SETD1A: variants seen among roughly 807,000 people sequenced by gnomAD.
SETD1A encodes histone-lysine N-methyltransferase SETD1A.
A neutral mutation model predicts 149.9 loss-of-function variants in SETD1A; 29 were observed. The observed-to-expected ratio is 0.19, with a 90% CI of 0.14 to 0.26. The LOEUF is 0.26. Among genes scored for constraint, SETD1A ranks in the 10% least tolerant of loss-of-function variants. SETD1A has a pLI of 1.00. For missense variants in SETD1A, 2,109 were observed against 2,353.1 expected, an observed-to-expected ratio of 0.90 and a Z score of 2.15; for synonymous variants, 1,141 against 968.5, an observed-to-expected ratio of 1.18 and a Z score of -3.31.
rs199846877 is a variant in SETD1A at position 30,965,373 on chromosome 16, C to G, written c.1631C>G (p.Ala544Gly). 1.9e-6 allele frequency: 3 copies of G among 1,611,246 alleles called. No individual in the cohort carries two copies. The Admixed American group carries it at 5.0e-5, about 27-fold the overall frequency. Residue 544 changes from alanine (A) to glycine (G), a missense_variant, in exon 7 of 19, where the codon GCC (alanine) becomes GGC (glycine). Transcript: ENST00000262519. The part of the protein sequence containing the change: ...SGHGPCTPPP[A>G]PANFEDVAPT... ...CATGGGCCCTGCACACCCCCTCCGG[C>G]CCCAGCTAATTTTGAGGATGTGGCA...
intron 13 of SETD1A, 85 bp from the exon 14 acceptor site, chr16:30,979,060 C>G (rs1011695256): frequency 7.4e-7 from 1 of 1,356,956 alleles, no homozygotes; most frequent in African/African-American, 1.5e-5. Context: ...TGGGGGAGAG[C>G]ACACAGCCTG....
chr16:30,976,409 C>G (rs1315024915), intron 13 of SETD1A, among the ~76,000 whole-genome samples: 2 of 152,128 alleles, frequency 1.3e-5, no homozygotes, highest in East Asian at 1.9e-4. Flanking sequence ...GCTGGAAGGC[C>G]TTGCCAGAGC....
At position 30,971,663 on chromosome 16, in the gene SETD1A, C is replaced by G; in HGVS notation, c.3302C>G (p.Ala1101Gly). Reference protein sequence around the residue: ...PVEVPVPERVAGSPVTPLPEQ... With the variant: ...PVEVPVPERVGGSPVTPLPEQ... The stretch of plus-strand genomic sequence containing the variant: ...GAGGTGCCAGTGCCGGAAAGGGTTG[C>G]AGGCTCCCCAGTCACACCCCTGCCC... Residue 1101 changes from alanine (A) to glycine (G), a missense_variant, in exon 13 of 19, where the codon GCA becomes GGA. By Grantham distance (60) the Ala-to-Gly change is moderately conservative. Coordinates refer to ENST00000262519, the MANE Select transcript of SETD1A (RefSeq NM_014712.3). 6.2e-7 allele frequency: 1 copy of G among 1,607,086 alleles called. No homozygotes were observed. The highest frequency in any genetic ancestry group is 8.5e-7 in the Non-Finnish European group (1 of 1,175,084).
In SETD1A at chr16:30,983,690, A is replaced by G; in HGVS notation, c.4868A>G (p.Tyr1623Cys). 1 of 1,614,044 alleles carries G rather than the reference A, an allele frequency of 6.2e-7. No individual in the cohort carries two copies. The highest frequency in any genetic ancestry group is 2.2e-5 in the East Asian group (1 of 44,870). The part of the protein sequence containing the change: ...RYVQEGIGSS[Y>C]LFRVDHDTII... ...GTGCAGGAGGGCATTGGCAGCAGCT[A>G]CCTGTTCCGGGTGGACCACGACACC... is the stretch of plus-strand genomic sequence containing the variant. The change falls in exon 18 of 19, where the codon TAC becomes TGC. Residue 1623 changes from tyrosine (Y) to cysteine (C), a missense_variant. By Grantham distance (194) the Tyr-to-Cys change is radical (BLOSUM62 -2). This residue lies in a region of SETD1A where 254 missense variants were observed against 409.3 expected (regional missense o/e 0.62). Transcript: ENST00000262519. This position sits in a 1 kb window ranked among gnomAD's most constrained non-coding sequence, Gnocchi z 6.8.
chr16:30,963,730 C>T (rs1159777442), intron 5 of SETD1A, among the ~76,000 whole-genome samples, 176 bp downstream of exon 5: 4 of 152,170 alleles, frequency 2.6e-5, no homozygotes, highest in Admixed American at 6.5e-5. Context: ...CAGTGGCTCA[C>T]GCCTGTAATC....
At position 30,971,505 on chromosome 16, in the gene SETD1A, G is replaced by C. The variant is rs896967246; in HGVS notation, c.3144G>C (p.Ser1048=). 13 of 1,613,122 alleles carry C rather than the reference G, an allele frequency of 8.1e-6. No homozygotes were observed. The highest frequency in any genetic ancestry group is 2.7e-5 in the African/African-American group (2 of 74,794). Reference sequence around the variant, plus strand: ...GCTCCTCATCCTCCTCCTCCTCCTCGTCCTCATCCTCCTCGTCCTCTTCAT... The same window carrying C: ...GCTCCTCATCCTCCTCCTCCTCCTCCTCCTCATCCTCCTCGTCCTCTTCAT... ...SSSSSSSSSS[S]SSSSSSSSSS... Residue 1048 remains serine (S), a synonymous_variant, in exon 13 of 19, where the codon TCG becomes TCC. Coordinates refer to ENST00000262519, the MANE Select transcript of SETD1A (RefSeq NM_014712.3).
At position 30,979,665 on chromosome 16, in the gene SETD1A, C is replaced by T. The variant is rs761975254; in HGVS notation, c.3879C>T (p.Leu1293=). The change falls in exon 14 of 19, where the codon CTC becomes CTT. Residue 1293 remains leucine (L), a synonymous_variant. Transcript: ENST00000262519. ...SDEAERPRPL[L]SHILLEHNYA... is the part of the protein sequence containing the mutation. ...AGGCCGAGCGCCCTAGGCCCCTGCT[C>T]AGCCACATCCTCCTGGAGCACAACT... The T allele has an allele frequency of 6.2e-7, 1 of 1,609,180 alleles. No individual in the cohort carries two copies. Among genetic ancestry groups the T allele is most frequent in the Non-Finnish European group, 8.5e-7 (1 of 1,179,704 alleles).
chr16:30,974,475 C>G (rs1479264687), intron 13 of SETD1A, among the ~76,000 whole-genome samples: 3 of 152,054 alleles, frequency 2.0e-5, no homozygotes, highest in Non-Finnish European at 4.4e-5. Flanking sequence ...GAGCGGTGAC[C>G]AGAGGCGAGA....
intron 5 of SETD1A, 101 bp downstream of exon 5, chr16:30,963,655 A>G: frequency 7.7e-7 from 1 of 1,305,530 alleles, no homozygotes; most frequent in East Asian, 2.5e-5. Context: ...TTTCCCGTTA[A>G]ACAAAGAAGA....
Position 30,983,930 on chromosome 16 carries a change from C to A in SETD1A, c.5031C>A (p.Asp1677Glu). 9 of 1,613,918 alleles carry A rather than the reference C, an allele frequency of 5.6e-6. No individual in the cohort carries two copies. Among genetic ancestry groups the A allele is most frequent in the Non-Finnish European group, 6.8e-6 (8 of 1,179,882 alleles). ...VIYSKQPIGV[D>E]EEITYDYKFP... ...ACTCCAAGCAGCCCATTGGCGTGGA[C>A]GAGGAGATCACCTACGACTACAAGT... The change falls in exon 19 of 19, where the codon GAC becomes GAA. Residue 1677 changes from aspartate to glutamate, a missense_variant. Asp to Glu is a conservative substitution (Grantham distance 45). Around this residue, in one of 8 missense-constraint regions of SETD1A, gnomAD observed 254 missense variants for 409.3 expected, o/e 0.62. Coordinates refer to ENST00000262519, the MANE Select transcript of SETD1A (RefSeq NM_014712.3). The surrounding 1 kb of genome is among the most constrained non-coding windows in gnomAD (Gnocchi z 6.8).
rs1403491082 is a variant in SETD1A at position 30,964,920 on chromosome 16, C to T, written c.1178C>T (p.Pro393Leu). The change falls in exon 7 of 19, where the codon CCT becomes CTT. Residue 393 changes from proline to leucine, a missense_variant. By Grantham distance (98) the Pro-to-Leu change is moderately conservative. Transcript: ENST00000262519. ...PPRRATREEP[P>L]GAPFAENTAE... Reference sequence around the variant, plus strand: ...CGCCGGGCCACACGGGAGGAACCCCCTGGAGCCCCTTTTGCTGAAAATACA... The same window carrying T: ...CGCCGGGCCACACGGGAGGAACCCCTTGGAGCCCCTTTTGCTGAAAATACA... 1.2e-6 allele frequency: 2 copies of T among 1,614,080 alleles called. No individual in the cohort carries two copies. Among genetic ancestry groups the T allele is most frequent in the East Asian group, 2.2e-5 (1 of 44,886 alleles).
chr16:30,965,254 C>T lies in SETD1A; in HGVS notation c.1512C>T (p.Ser504=). Residue 504 remains serine, a synonymous_variant, in exon 7 of 19, where the codon TCC becomes TCT. Coordinates refer to ENST00000262519, the MANE Select transcript of SETD1A (RefSeq NM_014712.3). ...MLLKEQRSKF[S]FLASDTEEEE... ...TGAAGGAGCAGCGCTCCAAGTTTTC[C>T]TTCTTGGCCTCTGACACAGAGGAGG... is the stretch of plus-strand genomic sequence containing the variant. The T allele has an allele frequency of 3.1e-6, 5 of 1,614,254 alleles. No homozygotes were observed. The highest frequency in any genetic ancestry group is 2.2e-5 in the East Asian group (1 of 44,886).
In SETD1A at chr16:30,980,693, T is replaced by C; in HGVS notation, c.4581+36T>C. On this transcript the variant is annotated intron_variant, in intron 15 of 18. Coordinates refer to ENST00000262519, the MANE Select transcript of SETD1A (RefSeq NM_014712.3). This position sits in a 1 kb window ranked among gnomAD's most constrained non-coding sequence, Gnocchi z 7.7. ...CCCCGCCGCCGCGTCCTCCTGCCACTCACTTCCCTGCCCTGCTCACCTCCT... is the reference window on the plus strand; with the variant it reads ...CCCCGCCGCCGCGTCCTCCTGCCACCCACTTCCCTGCCCTGCTCACCTCCT... 1 of 1,611,022 alleles carries C rather than the reference T, an allele frequency of 6.2e-7. No homozygotes were observed.
Position 30,961,391 on chromosome 16 carries a change from A to G in SETD1A, c.371A>G (p.Glu124Gly). ...CRKYGEVEEVEILLHPRTRKH... is the reference protein window; with the variant it reads ...CRKYGEVEEVGILLHPRTRKH... ...AAGTACGGTGAGGTGGAAGAGGTAG[A>G]GATCCTCCTTCACCCCCGTACGCGC... Residue 124 changes from glutamate to glycine, a missense_variant, in exon 4 of 19, where the codon GAG becomes GGG. Coordinates refer to ENST00000262519, the MANE Select transcript of SETD1A (RefSeq NM_014712.3). This position sits in a 1 kb window ranked among gnomAD's most constrained non-coding sequence, Gnocchi z 4.0. The G allele has an allele frequency of 6.2e-7, 1 of 1,614,208 alleles. No individual in the cohort carries two copies. Among genetic ancestry groups the G allele is most frequent in the Non-Finnish European group, 8.5e-7 (1 of 1,180,032 alleles).
chr16:30,968,646 G>C (rs923273303), intron 10 of SETD1A, among the ~76,000 whole-genome samples: 1 of 151,554 alleles, frequency 6.6e-6, no homozygotes, highest in African/African-American at 2.4e-5. Flanking sequence ...ACTAACAATA[G>C]AAAAATTAGC....
chr16:30,977,433 T>G (rs1315845673), intron 13 of SETD1A, among the ~76,000 whole-genome samples: 1 of 152,220 alleles, frequency 6.6e-6, no homozygotes, highest in Non-Finnish European at 1.5e-5. Context: ...GGGAGTCATA[T>G]TGACTGGGCA....
chr16:30,973,332 G>A (rs967892772), intron 13 of SETD1A, among the ~76,000 whole-genome samples: 1 of 152,118 alleles, frequency 6.6e-6, no homozygotes, highest in Admixed American at 6.6e-5. Context: ...AATGTAAGGC[G>A]AATTATGGTG....
At chr16:30,962,071 T>A (rs958998202) in intron 4 of SETD1A, among the ~76,000 whole-genome samples, 3 of 151,286 alleles carry the variant, frequency 2.0e-5, no homozygotes, top group African/African-American at 2.4e-5. Context: ...TTAATTTTTT[T>A]TTTTTTTTTT....
chr16:30,980,211 C>G lies in SETD1A; in HGVS notation c.4408+17C>G. On this transcript the variant is annotated intron_variant, in intron 14 of 18. Coordinates refer to ENST00000262519, the MANE Select transcript of SETD1A (RefSeq NM_014712.3). This position sits in a 1 kb window ranked among gnomAD's most constrained non-coding sequence, Gnocchi z 7.7. The stretch of plus-strand genomic sequence containing the variant: ...ATCACACAAATATCCTGAGTGTGGG[C>G]GGCCTTCCCCGGGCTTGGGTCCTCC... The G allele has an allele frequency of 6.3e-7, 1 of 1,576,638 alleles. No homozygotes were observed. Among genetic ancestry groups the G allele is most frequent in the Non-Finnish European group, 8.6e-7 (1 of 1,159,658 alleles).
Sources: allele counts gnomAD v4.1 joint callset (sites outside exome capture counted in the v4.1 genomes callset), GRCh38; gene constraint gnomAD v4.1.1; regional missense constraint gnomAD v4.1.1; non-coding constraint Gnocchi (gnomAD v3.1); transcripts MANE v1.5; gene names NCBI Gene and HGNC (gene_info 2026-07-23, HGNC 2026-07-21).